Variants in CNN2 observed in about 807,000 individuals in gnomAD.
CNN2 encodes calponin-2.
Under a neutral mutation model 31.0 loss-of-function variants are expected in CNN2, and 21 were observed. The observed-to-expected ratio is 0.68, with a 90% CI of 0.48 to 0.98. The LOEUF (loss-of-function observed/expected upper bound fraction) is 0.98, where lower values mean the gene tolerates loss of function less well. Ranked by LOEUF, CNN2 falls within the 50% of genes least tolerant of loss-of-function variation. The pLI is 0.00. For synonymous variants in CNN2, 165 were observed against 179.6 expected, an observed-to-expected ratio of 0.92 and a Z score of 0.65; for missense variants, 399 against 427.3, an observed-to-expected ratio of 0.93 and a Z score of 0.58.
chr19:1,036,493 C>T lies in CNN2; in HGVS notation c.585C>T (p.Asn195=). Residue 195 remains asparagine (N), a synonymous_variant, in exon 6 of 7, where the codon AAC becomes AAT. Coordinates refer to ENST00000263097, the MANE Select transcript of CNN2 (RefSeq NM_004368.4). ...GTRRHLYDPK[N]HILPPMDHST... ...GAAGGCATCTCTATGACCCCAAGAA[C>T]CATATCCTGCCCCCCATGGACCACT... 1 of 1,613,342 alleles carries T rather than the reference C, an allele frequency of 6.2e-7. No individual in the cohort carries two copies. The highest frequency in any genetic ancestry group is 8.5e-7 in the Non-Finnish European group (1 of 1,179,330).
intron 1 of CNN2, among the ~76,000 whole-genome samples, chr19:1,030,442 C>A (rs1363980999): frequency 2.0e-5 from 3 of 151,978 alleles, no homozygotes; most frequent in Non-Finnish European, 4.4e-5. Context: ...TTGGCTAACA[C>A]GGTGAAACCC....
At chr19:1,037,363 T>G in intron 6 of CNN2, 1 of 430,012 alleles carries the variant, frequency 2.3e-6, no homozygotes, top group Non-Finnish European at 4.2e-6. Flanking sequence ...GTCTTGAACT[T>G]CTGACCTCAG....
chr19:1,032,297 A>G, intron 2 of CNN2, 95 bp from the exon 3 acceptor site: 1 of 1,473,392 alleles, frequency 6.8e-7, no homozygotes, highest in Non-Finnish European at 9.4e-7. Flanking sequence ...TTGCCCAGGA[A>G]GGCGTGAGCT....
chr19:1,027,416 C>T (rs994022239), intron 1 of CNN2, among the ~76,000 whole-genome samples: 59 of 152,338 alleles, frequency 3.9e-4, no homozygotes, highest in African/African-American at 1.3e-3. Flanking sequence ...GGCTCACGCC[C>T]GTAATCCCAG....
intron 2 of CNN2, 145 bp downstream of exon 2, chr19:1,031,337 GTGGC>G: frequency 1.2e-5 from 4 of 332,086 alleles, no homozygotes; most frequent in South Asian, 3.8e-5. Flanking sequence ...GCCGAGGGTG[GTGGC>G]GGGGGGCGGT....
intron 4 of CNN2, 41 bp downstream of exon 4, chr19:1,032,737 C>T (rs2039519746): frequency 6.7e-7 from 1 of 1,484,782 alleles, no homozygotes; most frequent in Non-Finnish European, 9.3e-7. Flanking sequence ...CAGAGTCACA[C>T]AGCGAGGTGG....
chr19:1,036,950 T>C (rs1417037350), intron 6 of CNN2: 9 of 294,926 alleles, frequency 3.1e-5, no homozygotes, highest in South Asian at 2.7e-4. Context: ...GCCTCCCGGG[T>C]TCAAGAGATT....
chr19:1,033,240 G>A (rs1357300872), intron 4 of CNN2, among the ~76,000 whole-genome samples: 3 of 151,976 alleles, frequency 2.0e-5, no homozygotes, highest in Non-Finnish European at 4.4e-5. Flanking sequence ...AGCTCTGGCC[G>A]GGCGCAGTGG....
rs549688475 is a variant in CNN2, at chr19:1,035,475, A to C, written c.391-655A>C. Among the ~76,000 whole-genome samples the C allele has an allele frequency of 2.0e-4, 30 of 152,246 alleles. 1 individual carries two copies. The highest frequency in any genetic ancestry group is 1.0e-3 in the Admixed American group (16 of 15,308). ...GCGCAGACATCCCAGTGAGGGGCAG[A>C]GCCAATGGCCTGGCCATGGTGCCCG... On this transcript the variant is annotated intron_variant, in intron 4 of 6. Coordinates refer to ENST00000263097, the MANE Select transcript of CNN2 (RefSeq NM_004368.4).
intron 1 of CNN2, among the ~76,000 whole-genome samples, chr19:1,027,488 C>T (rs2039418026): frequency 6.6e-6 from 1 of 152,198 alleles, no homozygotes; most frequent in Non-Finnish European, 1.5e-5. Flanking sequence ...CCAGTCTGGG[C>T]AACATGGCGA....
intron 1 of CNN2, among the ~76,000 whole-genome samples, chr19:1,030,118 T>C (rs1266120326): frequency 6.6e-6 from 1 of 152,156 alleles, no homozygotes; most frequent in Non-Finnish European, 1.5e-5. Flanking sequence ...CCGCGGTCAC[T>C]AGTGGCTGGA....
chr19:1,036,768 G>A, intron 6 of CNN2: 1 of 654,582 alleles, frequency 1.5e-6, no homozygotes, highest in Non-Finnish European at 2.7e-6. Flanking sequence ...GGTCTCTAGG[G>A]AAGTTACTAC....
Position 1,038,632 on chromosome 19 carries a change from T to C in CNN2, c.*732T>C, listed in dbSNP as rs1196397593. Reference sequence around the variant, plus strand: ...GGTTGTTGCCCAGGCTGGAGTGCAGTGGCGCCATCTTGGCTCACTGCACCT... The same window carrying C: ...GGTTGTTGCCCAGGCTGGAGTGCAGCGGCGCCATCTTGGCTCACTGCACCT... On this transcript the variant is annotated 3_prime_UTR_variant, in exon 7 of 7. Coordinates refer to ENST00000263097, the MANE Select transcript of CNN2 (RefSeq NM_004368.4). The C allele has an allele frequency of 6.6e-6, 1 of 152,262 alleles. No individual in the cohort carries two copies. The highest frequency in any genetic ancestry group is 1.9e-4 in the East Asian group (1 of 5,198). The allele number at this position is 152,262 out of a possible 1,614,324, so 9.4% of individuals were successfully genotyped here. A position where few individuals can be genotyped will look rare whatever the true frequency, so the allele number is the denominator to read the frequency against.
At chr19:1,036,635 G>A in intron 6 of CNN2, 73 bp downstream of exon 6, 1 of 1,581,316 alleles carries the variant, frequency 6.3e-7, no homozygotes, top group Non-Finnish European at 8.7e-7. Context: ...CCCTCCCTGG[G>A]GCCACCTCCA....
intron 3 of CNN2, 37 bp downstream of exon 3, chr19:1,032,495 G>C (rs754071485): frequency 3.1e-6 from 5 of 1,613,602 alleles, no homozygotes; most frequent in Non-Finnish European, 3.4e-6. Context: ...GATGGTGCTG[G>C]GGGCCCATCT....
At chr19:1,031,288 A>T in intron 2 of CNN2, 96 bp downstream of exon 2, 3 of 976,986 alleles carry the variant, frequency 3.1e-6, no homozygotes, top group Non-Finnish European at 3.9e-6. Flanking sequence ...GGGGCCGGGC[A>T]TGGCCTGGCT....
In CNN2 at chr19:1,032,941, G is replaced by A. The variant is rs188104701; in HGVS notation, c.390+245G>A. On this transcript the variant is annotated intron_variant, in intron 4 of 6. Transcript: ENST00000263097. The stretch of plus-strand genomic sequence containing the variant: ...TTACAGGCACCTGCCACCACGCCTG[G>A]CTAATTTTTGTATTTTTAGTGGAGA... 8.5e-4 allele frequency: 348 copies of A among 411,376 alleles called. 2 individuals carry two copies. In the East Asian group the frequency reaches 0.013, roughly 16 times the overall value. 25.5% of individuals were successfully genotyped at this position (411,376 alleles called of 1,614,324 possible).
At position 1,037,819 on chromosome 19, in the gene CNN2, T is replaced by A. The variant is rs1252021475; in HGVS notation, c.849T>A (p.Ala283=). 1 of 1,608,874 alleles carries A rather than the reference T, an allele frequency of 6.2e-7. No homozygotes were observed. The highest frequency in any genetic ancestry group is 1.1e-5 in the South Asian group (1 of 90,962). The change falls in exon 7 of 7, where the codon GCT becomes GCA. Residue 283 remains alanine, a synonymous_variant. Coordinates refer to ENST00000263097, the MANE Select transcript of CNN2 (RefSeq NM_004368.4). The part of the protein sequence containing the change: ...YCPQGTVADG[A]PSGTGDCPDP... ...CGCAAGGCACAGTGGCCGATGGGGC[T>A]CCCTCGGGCACCGGCGACTGCCCGG...
chr19:1,027,551 A>G (rs1369489125), intron 1 of CNN2, among the ~76,000 whole-genome samples: 2 of 152,198 alleles, frequency 1.3e-5, no homozygotes, highest in Non-Finnish European at 2.9e-5. Flanking sequence ...ACACTTTTTA[A>G]GAGAGCACTT....
Sources: gnomAD v4.1 joint callset for allele counts (sites outside exome capture counted in the v4.1 genomes callset) on GRCh38, gnomAD v4.1.1 for gene constraint, MANE v1.5 for transcripts, NCBI Gene and HGNC (gene_info 2026-07-23, HGNC 2026-07-21) for gene names.